The following HACL1 variants were observed in gnomAD, a reference collection of about 807,000 sequenced individuals.
HACL1 encodes the protein 2-hydroxyacyl-CoA lyase 1.
In HACL1, 64 loss-of-function variants were observed where a neutral mutation model predicts 74.2. That is an observed-to-expected ratio of 0.86 (90% CI 0.70 to 1.06). The LOEUF (loss-of-function observed/expected upper bound fraction) is 1.06, where lower values mean the gene tolerates loss of function less well. Ranked by LOEUF, HACL1 falls within the 50% of genes least tolerant of loss-of-function variation. HACL1 has a pLI of 0.00. For synonymous variants in HACL1, 230 were observed against 238.8 expected (o/e 0.96, Z 0.34); for missense variants, 728 against 719.7 (o/e 1.01, Z -0.13).
intron 5 of HACL1, among the ~76,000 whole-genome samples, chr3:15,588,904 A>C (rs2063842514): frequency 6.6e-6 from 1 of 152,032 alleles, no homozygotes; most frequent in Non-Finnish European, 1.5e-5. Context: ...ATTTCCCTAA[A>C]GTCTGGGAGG....
At chr3:15,587,505 C>G (rs2063815992) in intron 5 of HACL1, among the ~76,000 whole-genome samples, 1 of 148,916 alleles carries the variant, frequency 6.7e-6, no homozygotes, top group African/African-American at 2.5e-5. Flanking sequence ...AGGACTTCCA[C>G]AAAAACCAGA....
rs1559549848 is a variant in HACL1, at chr3:15,571,687, CTCT to C, written c.1073_1075del (p.Lys358del). On this transcript the variant is annotated inframe_deletion, in exon 12 of 17. Transcript: ENST00000321169. Reference sequence around the variant, plus strand: ...TTTTACCTTGGATGCAGCTTCATTGCTCTTCATTTTTTCTCTCAGAGTTTTCCA... The same window carrying C: ...TTTTACCTTGGATGCAGCTTCATTGCTCATTTTTTCTCTCAGAGTTTTCCA... 6.1e-6 allele frequency: 9 copies of C among 1,473,192 alleles called. No individual in the cohort carries two copies. The highest frequency in any genetic ancestry group is 1.7e-5 in the Admixed American group (1 of 59,684). The allele number at this position is 1,473,192 out of a possible 1,614,324, so 91.3% of individuals were successfully genotyped here.
At chr3:15,570,585 TA>T (rs142953166) in intron 12 of HACL1, among the ~76,000 whole-genome samples, 3 of 147,410 alleles carry the variant, frequency 2.0e-5, no homozygotes, top group Non-Finnish European at 4.5e-5. Context: ...CACAAAACAA[TA>T]AAAAAAAACC....
chr3:15,600,956 T>G (rs2064209551), intron 2 of HACL1, 134 bp downstream of exon 2: 4 of 661,006 alleles, frequency 6.1e-6, no homozygotes, highest in Non-Finnish European at 8.4e-6. Flanking sequence ...ACAGTTAATA[T>G]TCAACAGTGA....
chr3:15,593,687 GTTTT>G (rs561846117), intron 3 of HACL1, among the ~76,000 whole-genome samples: 2 of 148,618 alleles, frequency 1.3e-5, no homozygotes, highest in African/African-American at 4.9e-5. Context: ...ATGAAAAAAG[GTTTT>G]TTTTTCATTT....
chr3:15,585,314 G>A lies in HACL1; in HGVS notation c.488C>T (p.Pro163Leu). The part of the protein sequence containing the change: ...KAVRSSIYGR[P>L]GACYVDIPAD... ...TGGTATGTCAACATAGCAAGCACCT[G>A]GACGACCATAGATACTGCTTCTCAC... is the stretch of plus-strand genomic sequence containing the variant. The change falls in exon 7 of 17, where the codon CCA becomes CTA. Residue 163 changes from proline to leucine, a missense_variant. Coordinates refer to ENST00000321169, the MANE Select transcript of HACL1 (RefSeq NM_012260.4). 1 of 1,603,366 alleles carries A rather than the reference G, an allele frequency of 6.2e-7. No homozygotes were observed. Among genetic ancestry groups the A allele is most frequent in the Non-Finnish European group, 8.5e-7 (1 of 1,170,328 alleles).
At position 15,592,456 on chromosome 3, in the gene HACL1, A is replaced by T. The variant is rs56651711; in HGVS notation, c.228-776T>A. On this transcript the variant is annotated intron_variant, in intron 3 of 16. Transcript: ENST00000321169. Reference sequence around the variant, plus strand: ...TGTAGACACACGTATACATACACACACGTATACATACACACACGTATACAT... The same window carrying T: ...TGTAGACACACGTATACATACACACTCGTATACATACACACACGTATACAT... Among the ~76,000 whole-genome samples the T allele has an allele frequency of 2.5e-4, 30 of 120,718 alleles. 1 individual carries two copies. The South Asian group carries it at 7.4e-3, about 30-fold the overall frequency. The allele number at this position is 120,718 out of a possible 152,430, so 79.2% of individuals were successfully genotyped here. A position where few individuals can be genotyped will look rare whatever the true frequency, so the allele number is the denominator to read the frequency against.
Position 15,579,900 on chromosome 3 carries a change from T to G in HACL1, c.803+10A>C. 3.2e-6 allele frequency: 5 copies of G among 1,550,440 alleles called. No individual in the cohort carries two copies. Among genetic ancestry groups the G allele is most frequent in the Non-Finnish European group, 4.4e-6 (5 of 1,148,946 alleles). On this transcript the variant is annotated intron_variant, in intron 9 of 16. Coordinates refer to ENST00000321169, the MANE Select transcript of HACL1 (RefSeq NM_012260.4). The stretch of plus-strand genomic sequence containing the variant: ...AAGCCATTGTATTTAAAATCTGGAA[T>G]GCCACACACCTGGATCTGGCTGCAC...
intron 10 of HACL1, 124 bp from the exon 11 acceptor site, chr3:15,573,366 G>T: frequency 1.6e-6 from 1 of 623,762 alleles, no homozygotes; most frequent in Non-Finnish European, 2.8e-6. Flanking sequence ...TTGATATTCA[G>T]AAGTTCCTTA....
In HACL1 at chr3:15,601,225, C is replaced by T. The variant is rs376414868; in HGVS notation, c.82-31G>A. 3.8e-6 allele frequency: 6 copies of T among 1,567,688 alleles called. No homozygotes were observed. The African/African-American group carries it at 4.1e-5, about 11-fold the overall frequency. On this transcript the variant is annotated intron_variant, in intron 1 of 16. Coordinates refer to ENST00000321169, the MANE Select transcript of HACL1 (RefSeq NM_012260.4). ...GAACGAAGAACAGGGGAGTAAACTC[C>T]CAAGGCCCCACCATATCGCCACATC...
chr3:15,583,942 C>A (rs972633519), intron 7 of HACL1, among the ~76,000 whole-genome samples: 6 of 152,218 alleles, frequency 3.9e-5, no homozygotes, highest in African/African-American at 1.4e-4. Flanking sequence ...CAGGTGTAAG[C>A]CACCGCACCC....
intron 4 of HACL1, among the ~76,000 whole-genome samples, chr3:15,591,176 C>T (rs7652994): frequency 0.026 from 3,908 of 152,110 alleles, 179 homozygotes; most frequent in African/African-American, 0.089. Flanking sequence ...TAAGGTATAC[C>T]ATATGATATT....
Position 15,575,092 on chromosome 3 carries a change from A to T in HACL1, c.804-10T>A, listed in dbSNP as rs2063599756. On this transcript the variant is annotated splice_polypyrimidine_tract_variant and intron_variant, in intron 9 of 16. Coordinates refer to ENST00000321169, the MANE Select transcript of HACL1 (RefSeq NM_012260.4). ...AGCAAATTGCAAAGCCCTATTAAAA[A>T]AATTGATATGAAAGTATAACTACAT... 1 of 1,311,646 alleles carries T rather than the reference A, an allele frequency of 7.6e-7. No homozygotes were observed. Among genetic ancestry groups the T allele is most frequent in the African/African-American group, 1.4e-5 (1 of 69,202 alleles). The allele number at this position is 1,311,646 out of a possible 1,614,324, so 81.3% of individuals were successfully genotyped here.
chr3:15,582,415 G>A (rs560688784), intron 8 of HACL1, among the ~76,000 whole-genome samples: 4 of 152,152 alleles, frequency 2.6e-5, no homozygotes, highest in Non-Finnish European at 4.4e-5. Flanking sequence ...AAGTGTTAAC[G>A]TACACATGAA....
Position 15,592,074 on chromosome 3 carries a change from G to A in HACL1, c.228-394C>T, listed in dbSNP as rs1419929961. ...TATATACGTATATATACGTATATACGTATACGTATATATACACACACTATA... is the reference window on the plus strand; with the variant it reads ...TATATACGTATATATACGTATATACATATACGTATATATACACACACTATA... On this transcript the variant is annotated intron_variant, in intron 3 of 16. Transcript: ENST00000321169. 3.5e-3 allele frequency among the ~76,000 whole-genome samples: 457 copies of A among 128,792 alleles called. 13 individuals carry two copies. The highest frequency in any genetic ancestry group is 0.021 in the East Asian group (65 of 3,050). The allele number at this position is 128,792 out of a possible 152,430, so 84.5% of individuals were successfully genotyped here. A position where few individuals can be genotyped will look rare whatever the true frequency, so the allele number is the denominator to read the frequency against.
At position 15,601,415 on chromosome 3, in the gene HACL1, C is replaced by T. The variant is rs760488511; in HGVS notation, c.49G>A (p.Ala17Thr). The change falls in exon 1 of 17, where the codon GCT (alanine) becomes ACT (threonine). Residue 17 changes from alanine to threonine, a missense_variant. By Grantham distance (58) the Ala-to-Thr change is moderately conservative. Coordinates refer to ENST00000321169, the MANE Select transcript of HACL1 (RefSeq NM_012260.4). Reference protein sequence around the residue: ...AERSEEQVSGAKVIAQALKTQ... With the variant: ...AERSEEQVSGTKVIAQALKTQ... Reference sequence around the variant, plus strand: ...TTCAGGGCCTGAGCGATGACTTTAGCACCAGACACCTGCTCCTCGCTGCGC... The same window carrying T: ...TTCAGGGCCTGAGCGATGACTTTAGTACCAGACACCTGCTCCTCGCTGCGC... 1.9e-6 allele frequency: 3 copies of T among 1,614,054 alleles called. No individual in the cohort carries two copies. Among genetic ancestry groups the T allele is most frequent in the Non-Finnish European group, 2.5e-6 (3 of 1,180,040 alleles).
chr3:15,593,576 C>A (rs895844350), intron 3 of HACL1, among the ~76,000 whole-genome samples: 1 of 152,114 alleles, frequency 6.6e-6, no homozygotes, highest in African/African-American at 2.4e-5. Context: ...CATTTTCACA[C>A]CTTATGTCTC....
intron 8 of HACL1, among the ~76,000 whole-genome samples, chr3:15,580,778 A>G (rs1232780189): frequency 6.6e-6 from 1 of 152,182 alleles, no homozygotes; most frequent in African/African-American, 2.4e-5. Flanking sequence ...CCTCTACACA[A>G]GGCCTCCTAG....
chr3:15,586,440 ATTCTT>A, intron 6 of HACL1, 80 bp downstream of exon 6: 2 of 747,998 alleles, frequency 2.7e-6, no homozygotes, highest in East Asian at 5.2e-5. Context: ...ATTGTCACTC[ATTCTT>A]TTGAGAATAA....
Sources: gnomAD v4.1 joint callset for allele counts (sites outside exome capture counted in the v4.1 genomes callset) on GRCh38, gnomAD v4.1.1 for gene constraint, MANE v1.5 for transcripts, NCBI Gene and HGNC (gene_info 2026-07-23, HGNC 2026-07-21) for gene names.